Variants in NFATC1 observed in about 807,000 individuals in gnomAD.
The protein encoded by NFATC1 is nuclear factor of activated T-cells, cytoplasmic 1.
A neutral mutation model predicts 76.0 loss-of-function variants in NFATC1; 22 were observed. The observed-to-expected ratio is 0.29, with a 90% CI of 0.21 to 0.41. NFATC1 has a LOEUF of 0.41. Ranked by LOEUF, NFATC1 falls within the 10% of genes least tolerant of loss-of-function variation. The pLI is 1.00. For missense variants in NFATC1, 1,357 were observed against 1,337.7 expected (o/e 1.01, Z -0.23); for synonymous variants, 704 against 613.1 (o/e 1.15, Z -2.19).
At position 79,465,517 on chromosome 18, in the gene NFATC1, G is replaced by T. The variant is rs983067055; in HGVS notation, c.1960-1933G>T. ...AGCCAGCCTGGCCCATGTGGTCCCC[G>T]CCTCCACCCATCCAGCCTGTCCCAC... On this transcript the variant is annotated intron_variant, in intron 7 of 9. Coordinates refer to ENST00000427363, the MANE Select transcript of NFATC1 (RefSeq NM_001278669.2). This position sits in a 1 kb window ranked among gnomAD's most constrained non-coding sequence, Gnocchi z 4.2. Among the ~76,000 whole-genome samples, 1 of 150,192 alleles carries T rather than the reference G, an allele frequency of 6.7e-6. No individual in the cohort carries two copies. The highest frequency in any genetic ancestry group is 1.5e-5 in the Non-Finnish European group (1 of 67,482).
At chr18:79,508,483 G>A (rs1365894661) in intron 9 of NFATC1, among the ~76,000 whole-genome samples, 2 of 152,154 alleles carry the variant, frequency 1.3e-5, no homozygotes, top group Non-Finnish European at 2.9e-5. Flanking sequence ...TGTTAATTAG[G>A]TGTTTATGCT....
At chr18:79,448,028 C>T (rs1376878653) in intron 3 of NFATC1, among the ~76,000 whole-genome samples, 1 of 152,182 alleles carries the variant, frequency 6.6e-6, no homozygotes, top group African/African-American at 2.4e-5. Context: ...AGTGTCCTGG[C>T]GGAAGCACCG....
chr18:79,448,680 G>A, intron 3 of NFATC1, 102 bp from the exon 4 acceptor site: 1 of 1,091,436 alleles, frequency 9.2e-7, no homozygotes, highest in East Asian at 2.4e-5. Flanking sequence ...CAGGGCAGGG[G>A]GACACAGGCC....
At chr18:79,419,422 A>T (rs1361053666) in intron 2 of NFATC1, among the ~76,000 whole-genome samples, 4 of 137,352 alleles carry the variant, frequency 2.9e-5, no homozygotes, top group Non-Finnish European at 6.3e-5. Flanking sequence ...GCCCCCTAGG[A>T]GGGTCAGAAC....
At chr18:79,480,038 G>C (rs1035246266) in intron 8 of NFATC1, among the ~76,000 whole-genome samples, 2 of 152,232 alleles carry the variant, frequency 1.3e-5, no homozygotes, top group East Asian at 3.9e-4. Context: ...CGCACCTGCA[G>C]GGTCAGCCCA....
At chr18:79,409,848 A>C (rs1481628680) in intron 1 of NFATC1, among the ~76,000 whole-genome samples, 2 of 152,256 alleles carry the variant, frequency 1.3e-5, no homozygotes, top group African/African-American at 4.8e-5. Context: ...TCTGTTTGTC[A>C]AAGAGATGAC....
At chr18:79,497,606 C>G (rs1011310549) in intron 9 of NFATC1, 2 of 152,092 alleles carry the variant, frequency 1.3e-5, no homozygotes, top group Non-Finnish European at 1.5e-5. Context: ...ACCAGGTGAC[C>G]CCGGGGACTT....
At position 79,442,637 on chromosome 18, in the gene NFATC1, G is replaced by A. The variant is rs548877448; in HGVS notation, c.1387-6145G>A. ...ATACAATGTTGGTTCACAGACGTGCGGTGGCGGCGGCGGGTGGTGGCAGCA... is the reference window on the plus strand; with the variant it reads ...ATACAATGTTGGTTCACAGACGTGCAGTGGCGGCGGCGGGTGGTGGCAGCA... On this transcript the variant is annotated intron_variant, in intron 3 of 9. Coordinates refer to ENST00000427363, the MANE Select transcript of NFATC1 (RefSeq NM_001278669.2). Among the ~76,000 whole-genome samples the A allele has an allele frequency of 9.2e-5, 14 of 152,368 alleles. No individual in the cohort carries two copies. The East Asian group carries it at 9.6e-4, about 11-fold the overall frequency.
chr18:79,443,283 A>ATG, intron 3 of NFATC1, among the ~76,000 whole-genome samples: 1 of 152,346 alleles, frequency 6.6e-6, no homozygotes, highest in African/African-American at 2.4e-5. Flanking sequence ...GCGTATGGAC[A>ATG]CACACCTGCA....
At position 79,483,455 on chromosome 18, in the gene NFATC1, A is replaced by G. The variant is rs55657900; in HGVS notation, c.2093-2793A>G. On this transcript the variant is annotated intron_variant, in intron 8 of 9. Transcript: ENST00000427363. ...TGACCTGGTCCTGGGGTGTAAGTCC[A>G]GCGTGACCTGGTTCCTGGGGTGTCA... Among the ~76,000 whole-genome samples the G allele has an allele frequency of 7.8e-4, 88 of 113,284 alleles. 1 individual carries two copies. The highest frequency in any genetic ancestry group is 9.1e-4 in the African/African-American group (23 of 25,326). 74.3% of individuals were successfully genotyped at this position (113,284 alleles called of 152,430 possible).
chr18:79,415,804 G>T (rs2085857221), intron 2 of NFATC1, among the ~76,000 whole-genome samples: 2 of 151,756 alleles, frequency 1.3e-5, no homozygotes, highest in South Asian at 4.2e-4. Context: ...GCTCACGCCT[G>T]TAATCCCAGC....
chr18:79,507,866 C>T (rs1252723554), intron 9 of NFATC1, among the ~76,000 whole-genome samples: 4 of 152,220 alleles, frequency 2.6e-5, no homozygotes, highest in African/African-American at 7.2e-5. Flanking sequence ...GAGGGAAACA[C>T]GTCCGTCACG....
chr18:79,506,210 G>A (rs1341128836), intron 9 of NFATC1, among the ~76,000 whole-genome samples: 5 of 152,188 alleles, frequency 3.3e-5, no homozygotes, highest in African/African-American at 4.8e-5. Context: ...AGCCTGTGGC[G>A]TGGTTTCAGT....
In NFATC1 at chr18:79,486,367, C is replaced by G; in HGVS notation, c.2212C>G (p.Pro738Ala). 1 of 1,613,068 alleles carries G rather than the reference C, an allele frequency of 6.2e-7. No homozygotes were observed. The highest frequency in any genetic ancestry group is 2.2e-5 in the East Asian group (1 of 44,882). The stretch of plus-strand genomic sequence containing the variant: ...CTACAGCCAGCAGCTCGCGATGCCA[C>G]CCGACCCCAGCTCCTGCCTCGTGGC... Reference protein sequence around the residue: ...PYYSQQLAMPPDPSSCLVAGF... With the variant: ...PYYSQQLAMPADPSSCLVAGF... Residue 738 changes from proline (P) to alanine (A), a missense_variant, in exon 9 of 10, where the codon CCC (proline) becomes GCC (alanine). Pro to Ala is a conservative substitution (Grantham distance 27). Transcript: ENST00000427363.
chr18:79,516,310 T>C (rs1314018630), intron 9 of NFATC1, among the ~76,000 whole-genome samples: 4 of 152,150 alleles, frequency 2.6e-5, no homozygotes, highest in African/African-American at 4.8e-5. Flanking sequence ...CGGTGGCTTA[T>C]TGCGATGAAA....
chr18:79,478,918 C>T (rs780200189), intron 8 of NFATC1, among the ~76,000 whole-genome samples: 5 of 152,178 alleles, frequency 3.3e-5, no homozygotes, highest in African/African-American at 7.2e-5. Flanking sequence ...TCTGCGGGGA[C>T]GGTTTACCTG....
chr18:79,451,312 C>T (rs775064295), intron 5 of NFATC1, among the ~76,000 whole-genome samples, 186 bp downstream of exon 5: 2 of 152,240 alleles, frequency 1.3e-5, no homozygotes, highest in African/African-American at 4.8e-5. Flanking sequence ...TGTGGCCTCC[C>T]GGGGGCCCCT....
chr18:79,474,260 G>A (rs1245445798), intron 8 of NFATC1, among the ~76,000 whole-genome samples: 12 of 130,452 alleles, frequency 9.2e-5, no homozygotes, highest in South Asian at 2.5e-4. Context: ...GCTCACTGTC[G>A]ACGTAAACCT....
intron 9 of NFATC1, among the ~76,000 whole-genome samples, chr18:79,516,636 G>C (rs1483078468): frequency 1.3e-5 from 2 of 152,168 alleles, no homozygotes. Context: ...GGAAAATCCA[G>C]ATATTTGCTT....
Sources: allele counts gnomAD v4.1 joint callset (sites outside exome capture counted in the v4.1 genomes callset), GRCh38; gene constraint gnomAD v4.1.1; non-coding constraint Gnocchi (gnomAD v3.1); transcripts MANE v1.5; gene names NCBI Gene and HGNC (gene_info 2026-07-23, HGNC 2026-07-21).